Variants in PLXNB2 observed in about 807,000 individuals in gnomAD.
The protein encoded by PLXNB2 is plexin-B2.
PLXNB2 carries 85 observed loss-of-function variants against 202.6 expected under a neutral mutation model. The ratio of observed to expected loss-of-function variants is 0.42; its 90% CI spans 0.35 to 0.50. The LOEUF (loss-of-function observed/expected upper bound fraction) is 0.50. Ranked by LOEUF, PLXNB2 falls within the 20% of genes least tolerant of loss-of-function variation. The pLI, the probability that PLXNB2 is intolerant of heterozygous loss-of-function variation, is 0.02. For missense variants in PLXNB2, 2,063 were observed against 2,586.2 expected (o/e 0.80, Z 4.39); for synonymous variants, 1,239 against 1,137.6 (o/e 1.09, Z -1.79).
intron 25 of PLXNB2, 73 bp from the exon 26 acceptor site, chr22:50,280,144 C>G (rs2065885535): frequency 7.9e-7 from 1 of 1,271,728 alleles, no homozygotes; most frequent in African/African-American, 1.5e-5. Context: ...CCTCCAAGCA[C>G]CCGGCCACCC....
At position 50,295,561 on chromosome 22, in the gene PLXNB2, T is replaced by C. The variant is rs1601753310; in HGVS notation, c.-73-783A>G. Among the ~76,000 whole-genome samples the C allele has an allele frequency of 2.6e-5, 4 of 152,296 alleles. No homozygotes were observed. The South Asian group carries it at 8.3e-4, about 32-fold the overall frequency. ...CTTGCTATTGTATCTTCCCTTGCTA[T>C]TGTATCTTCTAGTTCTGGATAAACA... On this transcript the variant is annotated intron_variant, in intron 1 of 36. Coordinates refer to ENST00000359337, the MANE Select transcript of PLXNB2 (RefSeq NM_012401.4).
Position 50,280,486 on chromosome 22 carries a change from C to A in PLXNB2, c.4175+3G>T. ...CCCCGCTCGTGGCCCCGCCCATGTG[C>A]ACCTGCGCAGCATCAGCTTGGGGTT... On this transcript the variant is annotated splice_donor_region_variant and intron_variant, in intron 25 of 36. Transcript: ENST00000359337. 1 of 1,602,994 alleles carries A rather than the reference C, an allele frequency of 6.2e-7. No individual in the cohort carries two copies.
chr22:50,295,668 C>T (rs1035845388), intron 1 of PLXNB2, among the ~76,000 whole-genome samples: 10 of 152,204 alleles, frequency 6.6e-5, no homozygotes, highest in Non-Finnish European at 4.4e-5. Context: ...AGCCACCCAG[C>T]ATCCCACCAG....
intron 22 of PLXNB2, 37 bp downstream of exon 22, chr22:50,281,323 G>A: frequency 6.2e-7 from 1 of 1,607,728 alleles, no homozygotes; most frequent in Non-Finnish European, 8.5e-7. Flanking sequence ...GAGGGCCGAG[G>A]GCTCAGGGTG....
Position 50,283,382 on chromosome 22 carries a change from G to A in PLXNB2, c.2634C>T (p.Phe878=), listed in dbSNP as rs267606287. The change falls in exon 16 of 37, where the codon TTC becomes TTT. Residue 878 remains phenylalanine (F), a synonymous_variant. Transcript: ENST00000359337. ...TGGGAGGCGAACGGCCCAGTTTCCC[G>A]AAGACGTCCACCTCGACACCCCCCG... The part of the protein sequence containing the change: ...PFTGGVEVDV[F]GKLGRSPPNV... 375 of 1,613,192 alleles carry A rather than the reference G, an allele frequency of 2.3e-4. 3 individuals carry two copies. The South Asian group carries it at 3.0e-3, about 13-fold the overall frequency.
At chr22:50,300,500 G>A (rs938744271) in intron 1 of PLXNB2, among the ~76,000 whole-genome samples, 26 of 152,322 alleles carry the variant, frequency 1.7e-4, no homozygotes, top group Middle Eastern at 3.4e-3. Flanking sequence ...AGACTCACCC[G>A]AGGCAAAGGC....
intron 1 of PLXNB2, among the ~76,000 whole-genome samples, chr22:50,301,626 C>A (rs1293737140): frequency 6.6e-6 from 1 of 152,210 alleles, no homozygotes; most frequent in Non-Finnish European, 1.5e-5. Context: ...CCAGCTCAAC[C>A]CCGCAGCAGC....
intron 24 of PLXNB2, 30 bp downstream of exon 24, chr22:50,280,714 G>GGCCCACCCCCCC: frequency 6.5e-7 from 1 of 1,528,940 alleles, no homozygotes; most frequent in Non-Finnish European, 8.9e-7. Flanking sequence ...CCACCTGTGT[G>GGCCCACCCCCCC]CCCTCCCGCC....
Position 50,279,622 on chromosome 22 carries a change from A to C in PLXNB2, c.4389+8T>G, listed in dbSNP as rs757725519. The C allele has an allele frequency of 6.2e-6, 10 of 1,612,778 alleles. No homozygotes were observed. In the South Asian group the frequency reaches 9.9e-5, roughly 16 times the overall value. On this transcript the variant is annotated splice_region_variant and intron_variant, in intron 27 of 36. Transcript: ENST00000359337. ...GCGCCCATGGCGGCCCCCACCCCAG[A>C]AGCTCACCAGGGGTGCGTACTCCAC...
chr22:50,281,448 G>C lies in PLXNB2; in HGVS notation c.3574C>G (p.Arg1192Gly). ...WVLGRVEYDTRVSDVPLSLIL... is the reference protein window; with the variant it reads ...WVLGRVEYDTGVSDVPLSLIL... The stretch of plus-strand genomic sequence containing the variant: ...AGGCTGAGCGGCACGTCGCTCACCC[G>C]TGTGTCGTACTCCACGCGGCCCAGC... The change falls in exon 22 of 37, where the codon CGG (arginine) becomes GGG (glycine). Residue 1192 changes from arginine to glycine, a missense_variant. Arg to Gly is a moderately radical substitution (Grantham distance 125). Coordinates refer to ENST00000359337, the MANE Select transcript of PLXNB2 (RefSeq NM_012401.4). 1 of 1,612,414 alleles carries C rather than the reference G, an allele frequency of 6.2e-7. No individual in the cohort carries two copies. Among genetic ancestry groups the C allele is most frequent in the Non-Finnish European group, 8.5e-7 (1 of 1,179,798 alleles).
rs1476144457 is a variant in PLXNB2 at position 50,291,019 on chromosome 22, TGACA to T, written c.-13-426_-13-423del. Among the ~76,000 whole-genome samples, 3 of 152,272 alleles carry T rather than the reference TGACA, an allele frequency of 2.0e-5. No homozygotes were observed. Among genetic ancestry groups the T allele is most frequent in the South Asian group, 2.1e-4 (1 of 4,828 alleles). On this transcript the variant is annotated intron_variant, in intron 2 of 36. Coordinates refer to ENST00000359337, the MANE Select transcript of PLXNB2 (RefSeq NM_012401.4). The surrounding 1 kb of genome is among the most constrained non-coding windows in gnomAD (Gnocchi z 4.3). ...CCGGCCCCAGCGCACAGGCTCAGGCTGACAGACAGACCCCTGGACGTTGGAACAG... is the reference window on the plus strand; with the variant it reads ...CCGGCCCCAGCGCACAGGCTCAGGCTGACAGACCCCTGGACGTTGGAACAG...
chr22:50,295,635 G>C (rs1310950523), intron 1 of PLXNB2, among the ~76,000 whole-genome samples: 1 of 152,168 alleles, frequency 6.6e-6, no homozygotes, highest in Non-Finnish European at 1.5e-5. Flanking sequence ...TCTCCGCATG[G>C]TTGGCTTTAG....
At chr22:50,275,830 G>A (rs1471391664) in intron 36 of PLXNB2, 22 bp from the exon 37 acceptor site, 2 of 1,606,622 alleles carry the variant, frequency 1.2e-6, no homozygotes, top group South Asian at 1.1e-5. Context: ...TCGCATCAGA[G>A]CACACCGGGG....
chr22:50,275,855 C>CG, intron 36 of PLXNB2, 34 bp downstream of exon 36: 1 of 1,608,726 alleles, frequency 6.2e-7, no homozygotes, highest in Non-Finnish European at 8.5e-7. Context: ...GCCCAGCACC[C>CG]CACCTGCCCC....
chr22:50,282,685 G>A, intron 18 of PLXNB2, 26 bp downstream of exon 18: 1 of 1,543,106 alleles, frequency 6.5e-7, no homozygotes, highest in South Asian at 1.2e-5. Context: ...GGGGAGCAGA[G>A]GGGGGCGGGG....
Position 50,278,187 on chromosome 22 carries a change from C to A in PLXNB2, c.4817G>T (p.Gly1606Val), listed in dbSNP as rs966470315. Residue 1606 changes from glycine (G) to valine (V), a missense_variant, in exon 31 of 37, where the codon GGC becomes GTC. Gly to Val is a moderately radical substitution (Grantham distance 109, BLOSUM62 -3). Coordinates refer to ENST00000359337, the MANE Select transcript of PLXNB2 (RefSeq NM_012401.4). The stretch of plus-strand genomic sequence containing the variant: ...CGTCCGCTCCTTCTCTTTCACGCTG[C>A]CTCTCTTGGACTTGCCCTCGTCCAC... ...DEVDEGKSKR[G>V]SVKEKERTKA... 1.2e-6 allele frequency: 2 copies of A among 1,607,724 alleles called. No individual in the cohort carries two copies. The highest frequency in any genetic ancestry group is 1.7e-6 in the Non-Finnish European group (2 of 1,179,920).
Position 50,289,889 on chromosome 22 carries a change from G to A in PLXNB2, c.696C>T (p.Phe232=). The change falls in exon 3 of 37, where the codon TTC becomes TTT. Residue 232 remains phenylalanine, a synonymous_variant. Transcript: ENST00000359337. The surrounding 1 kb of genome is among the most constrained non-coding windows in gnomAD (Gnocchi z 8.0). The part of the protein sequence containing the change: ...FEDGPYVFFV[F]NQQDKHPARN... ...GGGCCGGGTGCTTGTCCTGCTGGTT[G>A]AAGACAAAGAAGACGTAGGGGCCGT... is the stretch of plus-strand genomic sequence containing the variant. 1.2e-6 allele frequency: 2 copies of A among 1,613,226 alleles called. No individual in the cohort carries two copies. Among genetic ancestry groups the A allele is most frequent in the Non-Finnish European group, 1.7e-6 (2 of 1,180,036 alleles).
chr22:50,287,034 G>T, intron 8 of PLXNB2, 77 bp downstream of exon 8: 1 of 1,363,912 alleles, frequency 7.3e-7, no homozygotes. Context: ...CCAGGGGCCA[G>T]CAGAGGCGAG....
chr22:50,294,723 C>A lies in PLXNB2; in HGVS notation c.-18G>T. On this transcript the variant is annotated 5_prime_UTR_variant, in exon 2 of 37. Coordinates refer to ENST00000359337, the MANE Select transcript of PLXNB2 (RefSeq NM_012401.4). Reference sequence around the variant, plus strand: ...TTTCCCAGGTGGGGTACAGACCCCTCACCGAGGCTCCAGTGGTCCAGCTCA... The same window carrying A: ...TTTCCCAGGTGGGGTACAGACCCCTAACCGAGGCTCCAGTGGTCCAGCTCA... 1 of 985,440 alleles carries A rather than the reference C, an allele frequency of 1.0e-6. No homozygotes were observed. Among genetic ancestry groups the A allele is most frequent in the South Asian group, 4.7e-5 (1 of 21,294 alleles). The allele number at this position is 985,440 out of a possible 1,614,324, so 61.0% of individuals were successfully genotyped here.
Sources: gnomAD v4.1 joint callset for allele counts (sites outside exome capture counted in the v4.1 genomes callset) on GRCh38, gnomAD v4.1.1 for gene constraint, Gnocchi (gnomAD v3.1) non-coding constraint, MANE v1.5 for transcripts, NCBI Gene and HGNC (gene_info 2026-07-23, HGNC 2026-07-21) for gene names.